The following KNDC1 variants were observed in gnomAD, a reference collection of about 807,000 sequenced individuals.
KNDC1 encodes kinase non-catalytic C-lobe domain containing 1, also known as kinase non-catalytic C-lobe domain-containing protein 1.
KNDC1 carries 106 observed loss-of-function variants against 172.8 expected under a neutral mutation model. The ratio of observed to expected loss-of-function variants is 0.61; its 90% CI spans 0.52 to 0.72. KNDC1 has a LOEUF of 0.72. Among genes scored for constraint, KNDC1 ranks in the 30% least tolerant of loss-of-function variants. The probability of loss-of-function intolerance (pLI) is 0.00; values close to 1 mark genes in which losing one functional copy is unlikely to be tolerated. For missense variants in KNDC1, 2,325 were observed against 2,394.5 expected (o/e 0.97, Z 0.61); for synonymous variants, 1,083 against 1,062.2 (o/e 1.02, Z -0.38).
At chr10:133,193,787 G>A (rs1285623559) in intron 9 of KNDC1, among the ~76,000 whole-genome samples, 1 of 152,186 alleles carries the variant, frequency 6.6e-6, no homozygotes, top group East Asian at 1.9e-4. Context: ...TTAATATCAG[G>A]TTAAGTGTAC....
In KNDC1 at chr10:133,191,409, C is replaced by A. The variant is rs549870768; in HGVS notation, c.1575+1596C>A. On this transcript the variant is annotated intron_variant, in intron 9 of 29. Transcript: ENST00000304613. ...CAGACCCTGTCTCAAAAAATAAATA[C>A]CCCAACAGGGCCGGGTGTGGTGGCT... Among the ~76,000 whole-genome samples, 4 of 145,836 alleles carry A rather than the reference C, an allele frequency of 2.7e-5. No homozygotes were observed. The East Asian group carries it at 6.4e-4, about 23-fold the overall frequency.
Position 133,201,746 on chromosome 10 carries a change from T to C in KNDC1, c.3235T>C (p.Leu1079=). ...LARSKGVGPA[L]SPGPAGFQSC... is the part of the protein sequence containing the mutation. ...CAGGTCCAAAGGGGTCGGCCCAGCC[T>C]TGTCCCCCGGCCCAGCCGGATTCCA... The change falls in exon 17 of 30, where the codon TTG becomes CTG. Residue 1079 remains leucine (L), a synonymous_variant. Coordinates refer to ENST00000304613, the MANE Select transcript of KNDC1 (RefSeq NM_152643.8). The C allele has an allele frequency of 1.3e-6, 2 of 1,580,392 alleles. No homozygotes were observed. Among genetic ancestry groups the C allele is most frequent in the East Asian group, 2.2e-5 (1 of 44,452 alleles).
chr10:133,176,540 C>T (rs899424173), intron 3 of KNDC1, among the ~76,000 whole-genome samples: 6 of 152,110 alleles, frequency 3.9e-5, no homozygotes, highest in East Asian at 3.9e-4. Flanking sequence ...TCTGGATGCT[C>T]GGCCGGGTTT....
At position 133,167,570 on chromosome 10, in the gene KNDC1, C is replaced by T. The variant is rs1446452961; in HGVS notation, c.292C>T (p.Gln98Ter). Residue 98 changes from glutamine (Q) to a stop codon, truncating the protein, a stop_gained, in exon 2 of 30, where the codon CAG becomes TAG. Transcript: ENST00000304613. LOFTEE classifies it high-confidence loss of function. Reference protein sequence around the residue: ...NTSGNVCFMEQLSDDPEGAFV... With the variant: ...NTSGNVCFME The stretch of plus-strand genomic sequence containing the variant: ...CAGCGGGAACGTGTGTTTCATGGAG[C>T]AGCTCAGCGGTGAGGCGGCGGTGGC... 2 of 1,591,584 alleles carry T rather than the reference C, an allele frequency of 1.3e-6. No homozygotes were observed. The highest frequency in any genetic ancestry group is 1.7e-6 in the Non-Finnish European group (2 of 1,169,458).
chr10:133,194,527 A>G (rs1403534517), intron 9 of KNDC1, among the ~76,000 whole-genome samples: 1 of 152,184 alleles, frequency 6.6e-6, no homozygotes, highest in Non-Finnish European at 1.5e-5. Context: ...AATTATCACA[A>G]AATAAAAGGT....
rs202054271 is a variant in KNDC1 at position 133,186,207 on chromosome 10, C to T, written c.859C>T (p.Arg287Cys). The stretch of plus-strand genomic sequence containing the variant: ...GGCCGGCCTCGTCCTGGATGCCGAG[C>T]GCACCCTCGGGGAGCTGGACAGAGA... ...GLAGLVLDAE[R>C]TLGELDRDAL... Residue 287 changes from arginine (R) to cysteine (C), a missense_variant, in exon 6 of 30, where the codon CGC becomes TGC. Arg to Cys is a radical substitution (Grantham distance 180). Transcript: ENST00000304613. 340 of 1,571,752 alleles carry T rather than the reference C, an allele frequency of 2.2e-4. 1 individual carries two copies. The highest frequency in any genetic ancestry group is 8.5e-4 in the Middle Eastern group (5 of 5,882).
At position 133,186,557 on chromosome 10, in the gene KNDC1, G is replaced by C; in HGVS notation, c.1209G>C (p.Gln403His). Residue 403 changes from glutamine (Q) to histidine (H), a missense_variant, in exon 6 of 30, where the codon CAG becomes CAC. By Grantham distance (24) the Gln-to-His change is conservative (BLOSUM62 0). Transcript: ENST00000304613. Reference protein sequence around the residue: ...PGQPETSHPSQGPAEAPADPR... With the variant: ...PGQPETSHPSHGPAEAPADPR... ...AGCCCGAGACTTCACACCCCAGCCA[G>C]GGGCCAGCAGAGGCCCCTGCAGACC... 2.5e-6 allele frequency: 4 copies of C among 1,610,402 alleles called. No individual in the cohort carries two copies. The highest frequency in any genetic ancestry group is 2.5e-6 in the Non-Finnish European group (3 of 1,179,912).
intron 26 of KNDC1, among the ~76,000 whole-genome samples, chr10:133,218,372 C>A (rs1845511044): frequency 6.6e-6 from 1 of 152,242 alleles, no homozygotes; most frequent in Admixed American, 6.5e-5. Context: ...GGCACTCAGG[C>A]ACCCACCCCG....
At position 133,199,273 on chromosome 10, in the gene KNDC1, G is replaced by C. The variant is rs1442781837; in HGVS notation, c.2758+7G>C. On this transcript the variant is annotated splice_region_variant and intron_variant, in intron 14 of 29. Transcript: ENST00000304613. ...CTGGAGGCTCTGATCATGGGTACGT[G>C]GGGGCCGCAGACGCCCCAGAGGAGG... 1.9e-6 allele frequency: 3 copies of C among 1,547,920 alleles called. No individual in the cohort carries two copies. Among genetic ancestry groups the C allele is most frequent in the Non-Finnish European group, 2.6e-6 (3 of 1,144,996 alleles).
Position 133,167,597 on chromosome 10 carries a change from G to T in KNDC1, c.301+18G>T, listed in dbSNP as rs1853213818. 9.0e-6 allele frequency: 14 copies of T among 1,564,062 alleles called. No individual in the cohort carries two copies. Among genetic ancestry groups the T allele is most frequent in the Non-Finnish European group, 1.2e-5 (14 of 1,155,150 alleles). ...GCTCAGCGGTGAGGCGGCGGTGGCG[G>T]TGGCGGCGGCGGCGGGCACGCGGGG... is the stretch of plus-strand genomic sequence containing the variant. On this transcript the variant is annotated intron_variant, in intron 2 of 29. Transcript: ENST00000304613.
intron 9 of KNDC1, among the ~76,000 whole-genome samples, chr10:133,192,646 C>A (rs990560762): frequency 1.3e-5 from 2 of 152,024 alleles, no homozygotes; most frequent in African/African-American, 4.8e-5. Context: ...AATTTTAGAG[C>A]TGATTTTTTA....
chr10:133,189,658 C>G lies in KNDC1; in HGVS notation c.1502C>G (p.Pro501Arg). ...GACGGGGCTGTGCTCTTCCAGCCAC[C>G]CCCTGCCAACGGTGAGTGTGTGGGT... ...AEDGAVLFQP[P>R]PANGSYDSFF... Residue 501 changes from proline (P) to arginine (R), a missense_variant, in exon 8 of 30, where the codon CCC becomes CGC. By Grantham distance (103) the Pro-to-Arg change is moderately radical. Transcript: ENST00000304613. The G allele has an allele frequency of 1.2e-6, 2 of 1,613,948 alleles. No homozygotes were observed. Among genetic ancestry groups the G allele is most frequent in the Non-Finnish European group, 1.7e-6 (2 of 1,179,994 alleles).
At chr10:133,175,272 G>A (rs1450588318) in intron 3 of KNDC1, among the ~76,000 whole-genome samples, 3 of 147,464 alleles carry the variant, frequency 2.0e-5, no homozygotes, top group African/African-American at 7.5e-5. Flanking sequence ...GGTGGATGGT[G>A]GATATGTGGA....
chr10:133,198,307 G>T (rs372956989), intron 12 of KNDC1, 30 bp from the exon 13 acceptor site: 1 of 1,529,118 alleles, frequency 6.5e-7, no homozygotes, highest in African/African-American at 1.4e-5. Context: ...CACTCCGCCC[G>T]CCCACACCCT....
intron 17 of KNDC1, chr10:133,202,296 A>C (rs1854397665): frequency 1.2e-4 from 58 of 483,478 alleles, no homozygotes; most frequent in Middle Eastern, 3.1e-4. Context: ...AAACACCAAA[A>C]ACGCCTGCCC....
intron 22 of KNDC1, 49 bp from the exon 23 acceptor site, chr10:133,211,630 C>T (rs2136021595): frequency 1.3e-6 from 2 of 1,595,162 alleles, no homozygotes; most frequent in South Asian, 1.1e-5. Context: ...AGGTGCCGCC[C>T]TCCTCCAGAA....
chr10:133,169,317 G>A (rs775095910), intron 3 of KNDC1, among the ~76,000 whole-genome samples: 6 of 152,168 alleles, frequency 3.9e-5, no homozygotes, highest in Admixed American at 1.3e-4. Context: ...AAAGTTAGCC[G>A]GATGCAGTGG....
intron 29 of KNDC1, among the ~76,000 whole-genome samples, chr10:133,222,490 GGTGTGTGTGTGTGTGTGTGA>G (rs1845621688): frequency 2.7e-4 from 6 of 22,136 alleles, no homozygotes; most frequent in Non-Finnish European, 2.1e-4. Flanking sequence ...TGCTCTTCCC[GGTGTGTGTGTGTGTGTGTGA>G]GCCCATCCAG....
intron 26 of KNDC1, among the ~76,000 whole-genome samples, chr10:133,216,618 A>T (rs1384128124): frequency 6.6e-6 from 1 of 152,158 alleles, no homozygotes; most frequent in Non-Finnish European, 1.5e-5. Context: ...TGGCGGTTGC[A>T]GTGAGCTGAG....
Sources: gnomAD v4.1 joint callset for allele counts (sites outside exome capture counted in the v4.1 genomes callset) on GRCh38, gnomAD v4.1.1 for gene constraint, MANE v1.5 for transcripts, NCBI Gene and HGNC (gene_info 2026-07-23, HGNC 2026-07-21) for gene names.